CPSF3: variants seen among roughly 807,000 people sequenced by gnomAD.
CPSF3 encodes the protein cleavage and polyadenylation specificity factor subunit 3.
In CPSF3, 57 loss-of-function variants were observed where a neutral mutation model predicts 84.1. That is an observed-to-expected ratio of 0.68 (90% CI 0.55 to 0.85). The LOEUF (loss-of-function observed/expected upper bound fraction) is 0.85, where lower values mean the gene tolerates loss of function less well. Among genes scored for constraint, CPSF3 ranks in the 40% least tolerant of loss-of-function variants. The pLI is 0.00. For synonymous variants in CPSF3, 275 were observed against 278.1 expected (o/e 0.99, Z 0.11); for missense variants, 522 against 838.8 (o/e 0.62, Z 4.66).
Position 9,430,892 on chromosome 2 carries a change from T to C in CPSF3, c.341+12T>C. The C allele has an allele frequency of 2.5e-6, 4 of 1,607,028 alleles. No homozygotes were observed. The highest frequency in any genetic ancestry group is 3.4e-6 in the Non-Finnish European group (4 of 1,174,374). On this transcript the variant is annotated intron_variant, in intron 4 of 17. Coordinates refer to ENST00000238112, the MANE Select transcript of CPSF3 (RefSeq NM_016207.4). ...TATGTCAAAGTTAGGTAAATTACTTTATTAGATTATACACGACTTTGGCTC... is the reference window on the plus strand; with the variant it reads ...TATGTCAAAGTTAGGTAAATTACTTCATTAGATTATACACGACTTTGGCTC...
intron 13 of CPSF3, among the ~76,000 whole-genome samples, chr2:9,456,615 A>G (rs767053405): frequency 3.3e-5 from 5 of 152,214 alleles, no homozygotes; most frequent in African/African-American, 4.8e-5. Context: ...CAATTGACAA[A>G]TTTTATGTTA....
intron 15 of CPSF3, among the ~76,000 whole-genome samples, chr2:9,466,801 G>C (rs1028384269): frequency 6.6e-6 from 1 of 152,144 alleles, no homozygotes; most frequent in Non-Finnish European, 1.5e-5. Context: ...ACTATGCTGT[G>C]TTCAAGTTTC....
chr2:9,424,040 G>T, intron 1 of CPSF3: 1 of 1,277,144 alleles, frequency 7.8e-7, no homozygotes, highest in Non-Finnish European at 9.9e-7. Context: ...TTTTTCATCA[G>T]TTTCAGGGGA....
At chr2:9,466,226 A>ACACACACGTGCGCG (rs529525971) in intron 15 of CPSF3, among the ~76,000 whole-genome samples, 1 of 149,758 alleles carries the variant, frequency 6.7e-6, no homozygotes, top group Admixed American at 6.6e-5. Flanking sequence ...ACGCACGCAC[A>ACACACACGTGCGCG]CACACACGTG....
chr2:9,463,744 G>A (rs891095303), intron 15 of CPSF3, among the ~76,000 whole-genome samples: 25 of 152,266 alleles, frequency 1.6e-4, no homozygotes, highest in African/African-American at 6.0e-4. Flanking sequence ...CAGAGTCAGC[G>A]ACTGTGGCCC....
At chr2:9,434,958 C>T (rs1406403001) in intron 6 of CPSF3, among the ~76,000 whole-genome samples, 1 of 152,200 alleles carries the variant, frequency 6.6e-6, no homozygotes, top group Non-Finnish European at 1.5e-5. Flanking sequence ...AACATGTGAG[C>T]AGATTAGATT....
At chr2:9,471,081 G>A (rs1558468805) in intron 16 of CPSF3, among the ~76,000 whole-genome samples, 1 of 152,124 alleles carries the variant, frequency 6.6e-6, no homozygotes, top group Non-Finnish European at 1.5e-5. Context: ...GGCTGTGGTG[G>A]TGCACACCTG....
intron 3 of CPSF3, 125 bp downstream of exon 3, chr2:9,430,145 A>T: frequency 1.7e-6 from 1 of 597,586 alleles, no homozygotes; most frequent in Non-Finnish European, 2.9e-6. Flanking sequence ...TATTGCAGAC[A>T]TCTGAGTCTA....
intron 10 of CPSF3, among the ~76,000 whole-genome samples, chr2:9,445,339 G>T (rs1490831616): frequency 6.6e-6 from 1 of 152,184 alleles, no homozygotes; most frequent in African/African-American, 2.4e-5. Flanking sequence ...TAGACCACAT[G>T]TTGTTTATCC....
intron 9 of CPSF3, among the ~76,000 whole-genome samples, chr2:9,442,321 A>C (rs1680980400): frequency 6.6e-6 from 1 of 152,236 alleles, no homozygotes; most frequent in Non-Finnish European, 1.5e-5. Flanking sequence ...GATCTTAAAA[A>C]GCTGTAGAAT....
chr2:9,428,172 A>AT (rs1174119465), intron 1 of CPSF3, among the ~76,000 whole-genome samples: 1 of 146,074 alleles, frequency 6.8e-6, no homozygotes, highest in Non-Finnish European at 1.5e-5. Context: ...AATTTTTTGT[A>AT]TTTTTAGTAG....
At chr2:9,424,040 G>C in intron 1 of CPSF3, 1 of 1,277,144 alleles carries the variant, frequency 7.8e-7, no homozygotes, top group East Asian at 3.2e-5. Context: ...TTTTTCATCA[G>C]TTTCAGGGGA....
intron 7 of CPSF3, among the ~76,000 whole-genome samples, chr2:9,436,844 C>A (rs1680802459): frequency 6.6e-6 from 1 of 151,710 alleles, no homozygotes; most frequent in African/African-American, 2.4e-5. Flanking sequence ...CTCTCATGCA[C>A]TGCTGTTGGG....
rs529767928 is a variant in CPSF3 at position 9,471,774 on chromosome 2, A to T, written c.1953+335A>T. On this transcript the variant is annotated intron_variant, in intron 17 of 17. Transcript: ENST00000238112. ...CCGCTCTTCTGTTTGCACCAGCAAG[A>T]TCCAAGTGGATTTTCCAAACAGTTC... Among the ~76,000 whole-genome samples the T allele has an allele frequency of 7.9e-5, 12 of 151,688 alleles. No homozygotes were observed. In the East Asian group the frequency reaches 2.3e-3, roughly 29 times the overall value.
At chr2:9,458,808 A>G (rs998657506) in intron 14 of CPSF3, among the ~76,000 whole-genome samples, 5 of 151,946 alleles carry the variant, frequency 3.3e-5, no homozygotes, top group Admixed American at 1.3e-4. Context: ...GCAAAAGTAA[A>G]TATTTAAAAA....
At chr2:9,457,433 A>G (rs1263185203) in intron 14 of CPSF3, among the ~76,000 whole-genome samples, 1 of 152,154 alleles carries the variant, frequency 6.6e-6, no homozygotes, top group Non-Finnish European at 1.5e-5. Flanking sequence ...ACCACTCGTT[A>G]AAAGAGCAGA....
chr2:9,459,507 C>T (rs779801295), intron 14 of CPSF3, 24 bp from the exon 15 acceptor site: 1 of 1,568,468 alleles, frequency 6.4e-7, no homozygotes, highest in African/African-American at 1.3e-5. Flanking sequence ...AGGTCACTTC[C>T]TAATTCTGCC....
At position 9,473,055 on chromosome 2, in the gene CPSF3, C is replaced by A; in HGVS notation, c.*38C>A. On this transcript the variant is annotated 3_prime_UTR_variant, in exon 18 of 18. Transcript: ENST00000238112. ...ATATGAACTTTGAAAAAATACTTGA[C>A]TCTACTTTTGTTACCTAAAATAAAA... 6.9e-7 allele frequency: 1 copy of A among 1,444,780 alleles called. No homozygotes were observed. Among genetic ancestry groups the A allele is most frequent in the Non-Finnish European group, 9.7e-7 (1 of 1,033,928 alleles). The allele number at this position is 1,444,780 out of a possible 1,614,324, so 89.5% of individuals were successfully genotyped here.
intron 8 of CPSF3, 112 bp from the exon 9 acceptor site, chr2:9,441,706 T>G (rs975474335): frequency 1.9e-6 from 2 of 1,053,752 alleles, no homozygotes; most frequent in Non-Finnish European, 1.4e-6. Flanking sequence ...TTGTGAAGGC[T>G]CTTTCAGTGA....
Sources: allele counts gnomAD v4.1 joint callset (sites outside exome capture counted in the v4.1 genomes callset), GRCh38; gene constraint gnomAD v4.1.1; transcripts MANE v1.5; gene names NCBI Gene and HGNC (gene_info 2026-07-23, HGNC 2026-07-21).